The following CCSER1 variants were observed in gnomAD, a reference collection of about 807,000 sequenced individuals.
CCSER1 encodes serine-rich coiled-coil domain-containing protein 1.
CCSER1 carries 41 observed loss-of-function variants against 82.0 expected under a neutral mutation model. That is an observed-to-expected ratio of 0.50 (90% CI 0.39 to 0.65). The LOEUF is 0.65. Among genes scored for constraint, CCSER1 ranks in the 30% least tolerant of loss-of-function variants. The pLI, the probability that CCSER1 is intolerant of heterozygous loss-of-function variation, is 0.00. For missense variants in CCSER1, 1,119 were observed against 1,064.2 expected, an observed-to-expected ratio of 1.05 and a Z score of -0.72; for synonymous variants, 414 against 383.9, an observed-to-expected ratio of 1.08 and a Z score of -0.92.
chr4:90,971,363 C>G (rs1735092311), intron 9 of CCSER1, among the ~76,000 whole-genome samples: 1 of 152,044 alleles, frequency 6.6e-6, no homozygotes, highest in East Asian at 1.9e-4. Context: ...CTCTTGAGAA[C>G]TCACTCACTA....
intron 9 of CCSER1, among the ~76,000 whole-genome samples, chr4:91,002,602 T>A (rs1738132982): frequency 6.6e-6 from 1 of 152,128 alleles, no homozygotes; most frequent in Non-Finnish European, 1.5e-5. Context: ...AAGTTTTAAT[T>A]TTTTTTAATT....
chr4:90,547,168 T>G (rs1254095620), intron 5 of CCSER1, among the ~76,000 whole-genome samples: 1 of 141,690 alleles, frequency 7.1e-6, no homozygotes, highest in East Asian at 2.0e-4. Flanking sequence ...TATGACTTTT[T>G]GGAGTGATAG....
At chr4:90,811,965 T>TAC (rs1156625180) in intron 7 of CCSER1, among the ~76,000 whole-genome samples, 17 of 118,810 alleles carry the variant, frequency 1.4e-4, no homozygotes, top group African/African-American at 3.5e-4. Context: ...CACATATATA[T>TAC]ACACATATAT....
intron 10 of CCSER1, among the ~76,000 whole-genome samples, chr4:91,167,153 T>A (rs1732171914): frequency 6.7e-6 from 1 of 150,004 alleles, no homozygotes; most frequent in Non-Finnish European, 1.5e-5. Context: ...TGAATAAGTA[T>A]AAAAATTAAA....
chr4:90,404,329 G>A (rs1014969086), intron 4 of CCSER1, among the ~76,000 whole-genome samples: 1 of 152,092 alleles, frequency 6.6e-6, no homozygotes, highest in African/African-American at 2.4e-5. Context: ...CCCAAGGAGA[G>A]GCTGAGCTCA....
rs547376943 is a variant in CCSER1, at chr4:90,350,962, A to T, written c.1509+37915A>T. 2.6e-5 allele frequency among the ~76,000 whole-genome samples: 4 copies of T among 152,304 alleles called. No homozygotes were observed. The East Asian group carries it at 7.7e-4, about 29-fold the overall frequency. On this transcript the variant is annotated intron_variant, in intron 3 of 10. Coordinates refer to ENST00000509176, the MANE Select transcript of CCSER1 (RefSeq NM_001145065.2). ...ATGTATTGCACTGCAATAAAATATC[A>T]GTGGTTTTTTTGAAAGAATTATGAC... is the stretch of plus-strand genomic sequence containing the variant.
intron 10 of CCSER1, among the ~76,000 whole-genome samples, chr4:91,176,119 C>T (rs1174761104): frequency 6.6e-6 from 1 of 152,160 alleles, no homozygotes; most frequent in African/African-American, 2.4e-5. Flanking sequence ...AGGTTTGTCA[C>T]AGATCAGATG....
At chr4:91,274,590 C>T (rs1742276939) in intron 10 of CCSER1, among the ~76,000 whole-genome samples, 1 of 152,054 alleles carries the variant, frequency 6.6e-6, no homozygotes, top group Admixed American at 6.6e-5. Flanking sequence ...ATTTGTTTTT[C>T]TGTGCCTGGC....
chr4:91,438,731 C>G (rs1441468261), intron 10 of CCSER1, among the ~76,000 whole-genome samples: 1 of 151,762 alleles, frequency 6.6e-6, no homozygotes, highest in Admixed American at 6.6e-5. Context: ...GTAAAACTTT[C>G]AAAAAAATTT....
At chr4:91,329,243 A>T (rs1746780673) in intron 10 of CCSER1, among the ~76,000 whole-genome samples, 1 of 152,208 alleles carries the variant, frequency 6.6e-6, no homozygotes, top group South Asian at 2.1e-4. Flanking sequence ...GAACATATTG[A>T]TCTTATATCC....
chr4:90,604,596 C>T (rs1363930338), intron 5 of CCSER1, among the ~76,000 whole-genome samples: 1 of 152,216 alleles, frequency 6.6e-6, no homozygotes, highest in African/African-American at 2.4e-5. Context: ...GAGCTGCCCG[C>T]TTCCGGGATC....
intron 5 of CCSER1, among the ~76,000 whole-genome samples, chr4:90,601,357 T>C (rs976780010): frequency 3.9e-5 from 6 of 152,034 alleles, no homozygotes; most frequent in African/African-American, 1.4e-4. Context: ...ATTTCCTTTC[T>C]GTTTCTATTT....
At chr4:90,908,510 CAAG>C (rs1252395378) in intron 8 of CCSER1, among the ~76,000 whole-genome samples, 2 of 151,894 alleles carry the variant, frequency 1.3e-5, no homozygotes, top group Admixed American at 1.3e-4. Flanking sequence ...CAGTATAAAA[CAAG>C]AAGCAAATGG....
intron 9 of CCSER1, among the ~76,000 whole-genome samples, chr4:91,081,506 A>T (rs925566555): frequency 6.6e-6 from 1 of 152,156 alleles, no homozygotes; most frequent in African/African-American, 2.4e-5. Context: ...TTGGCACAAA[A>T]CAGGGATGCC....
At chr4:91,483,720 G>A (rs1213298570) in intron 10 of CCSER1, among the ~76,000 whole-genome samples, 3 of 152,116 alleles carry the variant, frequency 2.0e-5, no homozygotes, top group Admixed American at 1.3e-4. Flanking sequence ...ACAGGCATAA[G>A]CCACTGCACC....
chr4:90,719,111 C>G (rs942098752), intron 6 of CCSER1, among the ~76,000 whole-genome samples: 6 of 152,070 alleles, frequency 3.9e-5, no homozygotes, highest in African/African-American at 1.4e-4. Flanking sequence ...GAGCGGAGGG[C>G]GAGTGAGCTA....
At chr4:91,203,569 A>C (rs572542506) in intron 10 of CCSER1, among the ~76,000 whole-genome samples, 41 of 151,986 alleles carry the variant, frequency 2.7e-4, no homozygotes, top group African/African-American at 9.4e-4. Flanking sequence ...TTAGTAAAAT[A>C]GATCTGTATA....
At chr4:90,586,127 C>T (rs1377931784) in intron 5 of CCSER1, among the ~76,000 whole-genome samples, 1 of 152,116 alleles carries the variant, frequency 6.6e-6, no homozygotes, top group Non-Finnish European at 1.5e-5. Context: ...GCGAGCATTA[C>T]TGCCTGAGCT....
At chr4:91,188,797 T>C (rs549289039) in intron 10 of CCSER1, among the ~76,000 whole-genome samples, 1 of 152,136 alleles carries the variant, frequency 6.6e-6, no homozygotes, top group South Asian at 2.1e-4. Flanking sequence ...AATGTAGACA[T>C]AGCAAAATGT....
Sources: allele counts gnomAD v4.1 joint callset (sites outside exome capture counted in the v4.1 genomes callset), GRCh38; gene constraint gnomAD v4.1.1; transcripts MANE v1.5; gene names NCBI Gene and HGNC (gene_info 2026-07-23, HGNC 2026-07-21).